Variants in NT5C1A observed in about 807,000 individuals in gnomAD.
The protein encoded by NT5C1A is 5'-nucleotidase, cytosolic IA, also known as cytosolic 5'-nucleotidase 1A.
Under a neutral mutation model 31.0 loss-of-function variants are expected in NT5C1A, and 18 were observed. The observed-to-expected ratio is 0.58, with a 90% confidence interval of 0.40 to 0.86. The LOEUF is 0.86. Among genes scored for constraint, NT5C1A ranks in the 40% least tolerant of loss-of-function variants. The probability of loss-of-function intolerance (pLI) is 0.00; values close to 1 mark genes in which losing one functional copy is unlikely to be tolerated. For synonymous variants in NT5C1A, 185 were observed against 203.6 expected (o/e 0.91, Z 0.78); for missense variants, 470 against 505.4 (o/e 0.93, Z 0.67).
In NT5C1A at chr1:39,657,918, G is replaced by A. The variant is rs1646471702; in HGVS notation, c.*1203C>T. 6.6e-6 allele frequency among the ~76,000 whole-genome samples: 1 copy of A among 152,138 alleles called. No individual in the cohort carries two copies. Among genetic ancestry groups the A allele is most frequent in the South Asian group, 2.1e-4 (1 of 4,822 alleles). The stretch of plus-strand genomic sequence containing the variant: ...CCTTCTGTCTCACACCAGACCTCCT[G>A]ACACTTCCCACTTCACCCCAGGCAG... On this transcript the variant is annotated 3_prime_UTR_variant, in exon 6 of 6. Coordinates refer to ENST00000235628, the MANE Select transcript of NT5C1A (RefSeq NM_032526.3).
At position 39,671,964 on chromosome 1, in the gene NT5C1A, C is replaced by T. The variant is rs751582450; in HGVS notation, c.75G>A (p.Pro25=). 1.2e-6 allele frequency: 2 copies of T among 1,612,518 alleles called. No individual in the cohort carries two copies. The highest frequency in any genetic ancestry group is 1.1e-5 in the South Asian group (1 of 91,084). The change falls in exon 1 of 6, where the codon CCG becomes CCA. Residue 25 remains proline (P), a synonymous_variant. Coordinates refer to ENST00000235628, the MANE Select transcript of NT5C1A (RefSeq NM_032526.3). ...AGAAAATCTTGGCTTCCTCCCAGAC[C>T]GGGGCCGCAGCGGTCTCCGCTCCTG... ...PGPGAETAAA[P]VWEEAKIFYD...
Position 39,657,077 on chromosome 1 carries a change from T to C in NT5C1A, c.*2044A>G, listed in dbSNP as rs548407462. 3.1e-4 allele frequency among the ~76,000 whole-genome samples: 47 copies of C among 152,276 alleles called. No homozygotes were observed. The highest frequency in any genetic ancestry group is 1.1e-3 in the African/African-American group (46 of 41,548). ...ATGACCTCGTGCAAAGACATTATCA[T>C]ATGCCCTTCCAGGGGCAATAATGCC... is the stretch of plus-strand genomic sequence containing the variant. On this transcript the variant is annotated 3_prime_UTR_variant, in exon 6 of 6. Coordinates refer to ENST00000235628, the MANE Select transcript of NT5C1A (RefSeq NM_032526.3).
intron 1 of NT5C1A, among the ~76,000 whole-genome samples, chr1:39,671,465 G>A (rs915325605): frequency 5.9e-5 from 9 of 152,222 alleles, no homozygotes; most frequent in Non-Finnish European, 1.0e-4. Flanking sequence ...GACCCCAAAC[G>A]CAGAGTCTCA....
chr1:39,670,793 C>T (rs1166497947), intron 1 of NT5C1A, among the ~76,000 whole-genome samples: 1 of 152,176 alleles, frequency 6.6e-6, no homozygotes, highest in Non-Finnish European at 1.5e-5. Flanking sequence ...CTGGGAAACT[C>T]CACCTACTCA....
At chr1:39,671,880 C>T (rs1435256694) in intron 1 of NT5C1A, 24 bp downstream of exon 1, 2 of 1,612,328 alleles carry the variant, frequency 1.2e-6, no homozygotes. Flanking sequence ...CCCCGTCCCC[C>T]GCATACCCGT....
chr1:39,665,495 C>A (rs753791633), intron 3 of NT5C1A, 26 bp downstream of exon 3: 2 of 1,593,762 alleles, frequency 1.3e-6, no homozygotes, highest in East Asian at 2.3e-5. Context: ...CCAGGGCAAA[C>A]CCCCCATCCT....
In NT5C1A at chr1:39,653,779, C is replaced by T. The variant is rs1243177089; in HGVS notation, c.*5342G>A. On this transcript the variant is annotated 3_prime_UTR_variant, in exon 6 of 6. Coordinates refer to ENST00000235628, the MANE Select transcript of NT5C1A (RefSeq NM_032526.3). ...AGATAAAACCCGTGATCTGGGAAGCCGCCAGCCACACGATGCTATTCATCC... is the reference window on the plus strand; with the variant it reads ...AGATAAAACCCGTGATCTGGGAAGCTGCCAGCCACACGATGCTATTCATCC... 2.6e-5 allele frequency among the ~76,000 whole-genome samples: 4 copies of T among 152,176 alleles called. No individual in the cohort carries two copies. Among genetic ancestry groups the T allele is most frequent in the African/African-American group, 4.8e-5 (2 of 41,438 alleles).
Position 39,653,672 on chromosome 1 carries a change from G to C in NT5C1A, c.*5449C>G, listed in dbSNP as rs1056611084. 1.3e-5 allele frequency among the ~76,000 whole-genome samples: 2 copies of C among 152,174 alleles called. No individual in the cohort carries two copies. Among genetic ancestry groups the C allele is most frequent in the Non-Finnish European group, 1.5e-5 (1 of 68,028 alleles). On this transcript the variant is annotated 3_prime_UTR_variant, in exon 6 of 6. Transcript: ENST00000235628. ...AGTAAATCAGTGGGTAGAATCACTTGACTACTGCCAGCAGCTGCGTGCCGG... is the reference window on the plus strand; with the variant it reads ...AGTAAATCAGTGGGTAGAATCACTTCACTACTGCCAGCAGCTGCGTGCCGG...
chr1:39,664,489 T>TCCTCCCCTCCCCTCCCCTCCCCTCC (rs1553485412), intron 3 of NT5C1A, among the ~76,000 whole-genome samples: 3 of 1,096 alleles, frequency 2.7e-3, no homozygotes, highest in Admixed American at 0.02. Context: ...AGTGGATTTC[T>TCCTCCCCTCCCCTCCCCTCCCCTCC]CCTCCTCTCC....
intron 1 of NT5C1A, among the ~76,000 whole-genome samples, chr1:39,668,831 A>C (rs1371267102): frequency 6.6e-6 from 1 of 152,184 alleles, no homozygotes; most frequent in Admixed American, 6.5e-5. Flanking sequence ...ATCCCCACTT[A>C]GACTGCTGTG....
At position 39,652,221 on chromosome 1, in the gene NT5C1A, C is replaced by T. The variant is rs1196198378; in HGVS notation, c.*6900G>A. Among the ~76,000 whole-genome samples the T allele has an allele frequency of 6.6e-6, 1 of 151,898 alleles. No homozygotes were observed. The highest frequency in any genetic ancestry group is 2.4e-5 in the African/African-American group (1 of 41,340). ...ACCCAAGTCTCTGGGCCTGGGCCAG[C>T]GGATGCAAACTGGAGATTCAAGGGC... On this transcript the variant is annotated 3_prime_UTR_variant, in exon 6 of 6. Transcript: ENST00000235628.
intron 1 of NT5C1A, among the ~76,000 whole-genome samples, chr1:39,668,621 G>A (rs1646535036): frequency 1.3e-5 from 2 of 152,194 alleles, no homozygotes; most frequent in Admixed American, 1.3e-4. Flanking sequence ...TATCCACACT[G>A]CAGTCCCCTT....
chr1:39,661,335 A>T, intron 4 of NT5C1A, 72 bp from the exon 5 acceptor site: 1 of 750,468 alleles, frequency 1.3e-6, no homozygotes, highest in Non-Finnish European at 2.3e-6. Flanking sequence ...ATCTTAGGCT[A>T]TCCTTGCCCC....
chr1:39,664,516 T>TTCCTCTCCTCTCCTC (rs1646511140), intron 3 of NT5C1A, among the ~76,000 whole-genome samples: 1 of 7,476 alleles, frequency 1.3e-4, no homozygotes, highest in African/African-American at 5.5e-4. Context: ...CTCCTCTCCT[T>TTCCTCTCCTCTCCTC]TCCATCTCAC....
At chr1:39,663,538 G>T in intron 3 of NT5C1A, 104 bp from the exon 4 acceptor site, 1 of 1,176,358 alleles carries the variant, frequency 8.5e-7, no homozygotes, top group Non-Finnish European at 1.2e-6. Context: ...GGTGTGGTAC[G>T]GCAGCACAGC....
chr1:39,663,207 AC>A (rs1481904817), intron 4 of NT5C1A, 104 bp downstream of exon 4: 1 of 1,299,688 alleles, frequency 7.7e-7, no homozygotes, highest in African/African-American at 1.5e-5. Flanking sequence ...CCTTCTAGTT[AC>A]CATGGCAACT....
Position 39,657,034 on chromosome 1 carries a change from C to A in NT5C1A, c.*2087G>T, listed in dbSNP as rs1213129124. On this transcript the variant is annotated 3_prime_UTR_variant, in exon 6 of 6. Transcript: ENST00000235628. ...GGCCTCCTCTGTTAGCCAGAAGGAT[C>A]CTGGCTGTGCAGTGGAAATGACCTC... Among the ~76,000 whole-genome samples the A allele has an allele frequency of 6.6e-6, 1 of 152,236 alleles. No homozygotes were observed. Among genetic ancestry groups the A allele is most frequent in the Non-Finnish European group, 1.5e-5 (1 of 68,034 alleles).
Position 39,657,550 on chromosome 1 carries a change from C to A in NT5C1A, c.*1571G>T, listed in dbSNP as rs1354603324. On this transcript the variant is annotated 3_prime_UTR_variant, in exon 6 of 6. Coordinates refer to ENST00000235628, the MANE Select transcript of NT5C1A (RefSeq NM_032526.3). ...GTCCACACACAGATGTCTGCTCACC[C>A]CTTCTGTCTCCCTGGGGACCAGCCA... is the stretch of plus-strand genomic sequence containing the variant. Among the ~76,000 whole-genome samples the A allele has an allele frequency of 6.6e-6, 1 of 152,196 alleles. No homozygotes were observed. The highest frequency in any genetic ancestry group is 1.5e-5 in the Non-Finnish European group (1 of 68,032).
rs1263810126 is a variant in NT5C1A at position 39,658,653 on chromosome 1, G to T, written c.*468C>A. Among the ~76,000 whole-genome samples, 1 of 152,196 alleles carries T rather than the reference G, an allele frequency of 6.6e-6. No individual in the cohort carries two copies. The highest frequency in any genetic ancestry group is 2.4e-5 in the African/African-American group (1 of 41,436). ...ACCAAGCTTCTTTGGCTAAAAGGGA[G>T]CTTGAAAACTGCCCAAAAGATGGGG... On this transcript the variant is annotated 3_prime_UTR_variant, in exon 6 of 6. Coordinates refer to ENST00000235628, the MANE Select transcript of NT5C1A (RefSeq NM_032526.3).
Sources: allele counts gnomAD v4.1 joint callset (sites outside exome capture counted in the v4.1 genomes callset), GRCh38; gene constraint gnomAD v4.1.1; transcripts MANE v1.5; gene names NCBI Gene and HGNC (gene_info 2026-07-23, HGNC 2026-07-21).